Variants in KHDRBS2 observed in about 807,000 individuals in gnomAD.
KHDRBS2 encodes KH RNA binding domain containing, signal transduction associated 2, also known as KH domain-containing, RNA-binding, signal transduction-associated protein 2.
Under a neutral mutation model 44.3 loss-of-function variants are expected in KHDRBS2, and 26 were observed. That is an observed-to-expected ratio of 0.59 (90% CI 0.43 to 0.81). The LOEUF (loss-of-function observed/expected upper bound fraction) is 0.81. Among genes scored for constraint, KHDRBS2 ranks in the 40% least tolerant of loss-of-function variants. KHDRBS2 has a pLI of 0.00. For synonymous variants in KHDRBS2, 194 were observed against 151.1 expected, an observed-to-expected ratio of 1.28 and a Z score of -2.08; for missense variants, 476 against 433.1, an observed-to-expected ratio of 1.10 and a Z score of -0.88.
the KHDRBS2 span, among the ~76,000 whole-genome samples, chr6:61,559,802 T>C: frequency 4.6e-5 from 7 of 152,212 alleles, no homozygotes; most frequent in Non-Finnish European, 1.0e-4. Context: ...ATTTTTTTGA[T>C]TGGTTCATCT....
At chr6:61,787,199 T>C (rs1361789791) in intron 6 of KHDRBS2, among the ~76,000 whole-genome samples, 2 of 151,444 alleles carry the variant, frequency 1.3e-5, no homozygotes, top group African/African-American at 4.8e-5. Flanking sequence ...TTTTCAACAT[T>C]TGGCTATTAT....
chr6:62,158,889 A>G (rs1209840810), intron 2 of KHDRBS2, among the ~76,000 whole-genome samples: 1 of 152,106 alleles, frequency 6.6e-6, no homozygotes, highest in Non-Finnish European at 1.5e-5. Context: ...TATGCAAACT[A>G]ATACAATCTC....
chr6:62,098,244 G>GTTTTTTTTTTTTTTTTTT (rs35184806), intron 2 of KHDRBS2, among the ~76,000 whole-genome samples: 1 of 127,848 alleles, frequency 7.8e-6, no homozygotes. Context: ...AGCTTCAAAC[G>GTTTTTTTTTTTTTTTTTT]TTTTTTTTTT....
In KHDRBS2 at chr6:62,285,875, G is replaced by C. The variant is rs1265825375; in HGVS notation, c.74C>G (p.Ser25Trp). 2 of 1,612,712 alleles carry C rather than the reference G, an allele frequency of 1.2e-6. No individual in the cohort carries two copies. Among genetic ancestry groups the C allele is most frequent in the Non-Finnish European group, 1.7e-6 (2 of 1,179,420 alleles). Residue 25 changes from serine (S) to tryptophan (W), a missense_variant, in exon 1 of 9, where the codon TCG becomes TGG. By Grantham distance (177) the Ser-to-Trp change is radical (BLOSUM62 -3). Transcript: ENST00000281156. ...DSLDPSFVHA[S>W]RLLAEEIEKF... Reference sequence around the variant, plus strand: ...AGTCCTACCTTCTGCCAAAAGGCGCGACGCATGCACAAAAGATGGATCCAG... The same window carrying C: ...AGTCCTACCTTCTGCCAAAAGGCGCCACGCATGCACAAAAGATGGATCCAG...
At chr6:61,934,242 C>A (rs1810626198) in intron 4 of KHDRBS2, among the ~76,000 whole-genome samples, 1 of 151,634 alleles carries the variant, frequency 6.6e-6, no homozygotes, top group South Asian at 2.1e-4. Context: ...TTTTCTTTTT[C>A]TTCTGTAGCT....
intron 2 of KHDRBS2, among the ~76,000 whole-genome samples, chr6:62,146,015 A>T (rs1461827863): frequency 6.6e-6 from 1 of 151,818 alleles, no homozygotes; most frequent in African/African-American, 2.4e-5. Context: ...TTCCCTACTC[A>T]TAGGTCAGCT....
At chr6:62,271,467 A>C (rs1459934255) in intron 1 of KHDRBS2, among the ~76,000 whole-genome samples, 6 of 152,210 alleles carry the variant, frequency 3.9e-5, no homozygotes, top group Non-Finnish European at 8.8e-5. Context: ...AATACTTTTT[A>C]CTGTTATTTT....
chr6:61,893,075 A>C (rs1299785857), intron 6 of KHDRBS2, among the ~76,000 whole-genome samples: 1 of 152,206 alleles, frequency 6.6e-6, no homozygotes, highest in Non-Finnish European at 1.5e-5. Context: ...AACCCCATCA[A>C]CAAGTGGGCA....
At chr6:61,812,096 T>C (rs1181909877) in intron 6 of KHDRBS2, among the ~76,000 whole-genome samples, 2 of 152,208 alleles carry the variant, frequency 1.3e-5, no homozygotes, top group African/African-American at 4.8e-5. Context: ...TTTTATTCTA[T>C]GTTGATACTA....
At chr6:62,122,136 T>G (rs1172935486) in intron 2 of KHDRBS2, among the ~76,000 whole-genome samples, 1 of 152,168 alleles carries the variant, frequency 6.6e-6, no homozygotes, top group Non-Finnish European at 1.5e-5. Flanking sequence ...TGCAAGCTGC[T>G]CTGCCACTTG....
chr6:62,193,795 T>C (rs1374105560), intron 1 of KHDRBS2, among the ~76,000 whole-genome samples: 1 of 152,156 alleles, frequency 6.6e-6, no homozygotes, highest in African/African-American at 2.4e-5. Context: ...TGTTATTTCA[T>C]TGAGGATTTG....
the KHDRBS2 span, among the ~76,000 whole-genome samples, chr6:61,548,294 A>G: frequency 6.6e-6 from 1 of 152,148 alleles, no homozygotes; most frequent in Admixed American, 6.6e-5. Context: ...TGAGGGCTAT[A>G]TATATAGCAA....
intron 8 of KHDRBS2, among the ~76,000 whole-genome samples, chr6:61,695,179 T>C (rs552400985): frequency 7.2e-5 from 11 of 152,194 alleles, no homozygotes; most frequent in African/African-American, 2.2e-4. Context: ...CCACATCCTG[T>C]TCTTTTTACC....
At chr6:62,183,224 TA>T (rs1198981163) in intron 1 of KHDRBS2, among the ~76,000 whole-genome samples, 1 of 151,808 alleles carries the variant, frequency 6.6e-6, no homozygotes, top group African/African-American at 2.4e-5. Flanking sequence ...TTTTTAAATA[TA>T]TATGACATAA....
chr6:61,879,771 C>A (rs1375027003), intron 6 of KHDRBS2, among the ~76,000 whole-genome samples: 2 of 151,708 alleles, frequency 1.3e-5, no homozygotes, highest in African/African-American at 4.8e-5. Flanking sequence ...TTATTTTTGT[C>A]AAAATCTTAT....
At chr6:61,556,480 C>T in the KHDRBS2 span, among the ~76,000 whole-genome samples, 1 of 152,180 alleles carries the variant, frequency 6.6e-6, no homozygotes, top group African/African-American at 2.4e-5. Context: ...CAAAGACATT[C>T]TAAGTTGTCT....
rs190231742 is a variant in KHDRBS2, at chr6:61,960,245, C to T, written c.483+17821G>A. On this transcript the variant is annotated intron_variant, in intron 4 of 8. Coordinates refer to ENST00000281156, the MANE Select transcript of KHDRBS2 (RefSeq NM_152688.4). ...GGCTTATAGTACCTATTCTCTTGTC[C>T]TTAATCTAGTAATCTGTCTCTTTCT... 9.9e-5 allele frequency among the ~76,000 whole-genome samples: 15 copies of T among 152,148 alleles called. No homozygotes were observed. In the East Asian group the frequency reaches 2.9e-3, roughly 29 times the overall value.
chr6:62,224,939 C>A (rs1045242960), intron 1 of KHDRBS2, among the ~76,000 whole-genome samples: 1 of 152,182 alleles, frequency 6.6e-6, no homozygotes, highest in African/African-American at 2.4e-5. Flanking sequence ...TAACCATGAT[C>A]CCCAAGTTGG....
chr6:61,752,708 A>T (rs1214473209), intron 6 of KHDRBS2, among the ~76,000 whole-genome samples: 1 of 149,984 alleles, frequency 6.7e-6, no homozygotes, highest in Non-Finnish European at 1.5e-5. Flanking sequence ...AAAAATATCC[A>T]TGCTCATTGA....
Sources: gnomAD v4.1 joint callset for allele counts (sites outside exome capture counted in the v4.1 genomes callset) on GRCh38, gnomAD v4.1.1 for gene constraint, MANE v1.5 for transcripts, NCBI Gene and HGNC (gene_info 2026-07-23, HGNC 2026-07-21) for gene names.